MAPKAP1: variants seen among roughly 807,000 people sequenced by gnomAD.
The protein encoded by MAPKAP1 is MAPK associated protein 1.
MAPKAP1 carries 20 observed loss-of-function variants against 65.7 expected under a neutral mutation model. The ratio of observed to expected loss-of-function variants is 0.30; its 90% CI spans 0.21 to 0.44. The LOEUF is 0.44. MAPKAP1 is among the 20% of genes least tolerant of loss of function. The pLI is 1.00. For missense variants in MAPKAP1, 423 were observed against 648.0 expected, an observed-to-expected ratio of 0.65 and a Z score of 3.77; for synonymous variants, 222 against 244.3, an observed-to-expected ratio of 0.91 and a Z score of 0.85.
In MAPKAP1 at chr9:125,657,667, G is replaced by A; in HGVS notation, c.482C>T (p.Ser161Phe). 1 of 1,605,756 alleles carries A rather than the reference G, an allele frequency of 6.2e-7. No individual in the cohort carries two copies. The highest frequency in any genetic ancestry group is 8.5e-7 in the Non-Finnish European group (1 of 1,177,142). The change falls in exon 4 of 12, where the codon TCC (serine) becomes TTC (phenylalanine). Residue 161 changes from serine to phenylalanine, a missense_variant. Physicochemically the swap from Ser to Phe is radical, Grantham distance 155. Transcript: ENST00000265960. ...LQLNNPFNEY[S>F]KFDGKGHVGT... is the part of the protein sequence containing the mutation. ...TTTACTTACCTTGCCATCAAATTTG[G>A]AATACTCGTTAAAAGGGTTATTCAG...
chr9:125,595,710 ATC>A lies in MAPKAP1; in HGVS notation c.499-9985_499-9984del, dbSNP rs1832103605. Reference sequence around the variant, plus strand: ...CCTAAAGAGCCGGAACAGCTAAGGAATCTCTTCATTGGAGGGTTGAGCTTTGA... The same window carrying A: ...CCTAAAGAGCCGGAACAGCTAAGGAATCTTCATTGGAGGGTTGAGCTTTGA... On this transcript the variant is annotated intron_variant, in intron 4 of 11. Transcript: ENST00000265960. The surrounding 1 kb of genome is among the most constrained non-coding windows in gnomAD (Gnocchi z 4.0). 6.4e-7 allele frequency: 1 copy of A among 1,556,434 alleles called. No homozygotes were observed.
intron 1 of MAPKAP1, among the ~76,000 whole-genome samples, chr9:125,675,168 G>A (rs1405505911): frequency 6.6e-6 from 1 of 152,296 alleles, no homozygotes; most frequent in Admixed American, 6.5e-5. Flanking sequence ...AAGGAAGGCA[G>A]CTAGTCACCA....
At chr9:125,515,355 A>G (rs1164293109) in intron 7 of MAPKAP1, among the ~76,000 whole-genome samples, 1 of 152,202 alleles carries the variant, frequency 6.6e-6, no homozygotes, top group East Asian at 1.9e-4. Context: ...AACACTAGAA[A>G]AAGGCCCATT....
rs534639837 is a variant in MAPKAP1 at position 125,682,176 on chromosome 9, A to G, written c.-69-9533T>C. On this transcript the variant is annotated intron_variant, in intron 1 of 11. Coordinates refer to ENST00000265960, the MANE Select transcript of MAPKAP1 (RefSeq NM_001006617.3). ...TGTAGCTTCCACTACACCCTGGCACATCCTAGGACTCTCTTAACCTCAGTT... is the reference window on the plus strand; with the variant it reads ...TGTAGCTTCCACTACACCCTGGCACGTCCTAGGACTCTCTTAACCTCAGTT... Among the ~76,000 whole-genome samples the G allele has an allele frequency of 3.9e-5, 6 of 152,360 alleles. No homozygotes were observed. The South Asian group carries it at 1.2e-3, about 32-fold the overall frequency.
intron 4 of MAPKAP1, among the ~76,000 whole-genome samples, chr9:125,625,593 G>T (rs1410744730): frequency 6.6e-6 from 1 of 152,102 alleles, no homozygotes; most frequent in Non-Finnish European, 1.5e-5. Flanking sequence ...TCAGGATTTC[G>T]AGACTAGCCT....
At chr9:125,621,580 A>C (rs1832901239) in intron 4 of MAPKAP1, among the ~76,000 whole-genome samples, 1 of 152,246 alleles carries the variant, frequency 6.6e-6, no homozygotes, top group Admixed American at 6.5e-5. Context: ...GCTCTTTTCA[A>C]GGATGTTTCA....
At chr9:125,625,258 A>ATC (rs371821798) in intron 4 of MAPKAP1, among the ~76,000 whole-genome samples, 1 of 110,744 alleles carries the variant, frequency 9.0e-6, no homozygotes, top group Non-Finnish European at 1.8e-5. Context: ...AAATAAATAA[A>ATC]AAAAAAAAAA....
rs1834523657 is a variant in MAPKAP1 at position 125,672,435 on chromosome 9, G to A, written c.140C>T (p.Pro47Leu). Residue 47 changes from proline (P) to leucine (L), a missense_variant, in exon 2 of 12, where the codon CCT becomes CTT. By Grantham distance (98) the Pro-to-Leu change is moderately conservative (BLOSUM62 -3). Coordinates refer to ENST00000265960, the MANE Select transcript of MAPKAP1 (RefSeq NM_001006617.3). ...CTGAATTTCTGACCCACTGTCTCCA[G>A]GCATTGAAGGAGGATGAATCTTCTC... is the stretch of plus-strand genomic sequence containing the variant. ...DLEKIHPPSM[P>L]GDSGSEIQGS... 2.5e-6 allele frequency: 4 copies of A among 1,614,004 alleles called. No homozygotes were observed. Among genetic ancestry groups the A allele is most frequent in the Non-Finnish European group, 3.4e-6 (4 of 1,180,032 alleles).
chr9:125,705,108 A>C lies in MAPKAP1; in HGVS notation c.-70+1863T>G, dbSNP rs1020254468. ...TGGAAGAGCACAGTCTTTACATTTA[A>C]AAGATTTCTGTACCATTCATTTTAA... is the stretch of plus-strand genomic sequence containing the variant. On this transcript the variant is annotated intron_variant, in intron 1 of 11. Transcript: ENST00000265960. 2.0e-5 allele frequency among the ~76,000 whole-genome samples: 3 copies of C among 152,316 alleles called. No homozygotes were observed. In the South Asian group the frequency reaches 6.2e-4, roughly 32 times the overall value.
chr9:125,454,833 T>G (rs1853107516), intron 10 of MAPKAP1, among the ~76,000 whole-genome samples: 1 of 152,068 alleles, frequency 6.6e-6, no homozygotes, highest in African/African-American at 2.4e-5. Context: ...GAAATTTGTT[T>G]AAAAAAAGAA....
intron 1 of MAPKAP1, among the ~76,000 whole-genome samples, chr9:125,693,758 T>G (rs1180113410): frequency 2.1e-5 from 3 of 146,298 alleles, no homozygotes; most frequent in Non-Finnish European, 3.0e-5. Flanking sequence ...TACACATATA[T>G]ACACGTATAT....
chr9:125,659,111 T>C (rs1425550646), intron 3 of MAPKAP1, among the ~76,000 whole-genome samples: 1 of 152,224 alleles, frequency 6.6e-6, no homozygotes, highest in Non-Finnish European at 1.5e-5. Flanking sequence ...ATTAAAGTAA[T>C]ATTTTAAATA....
chr9:125,587,811 T>G (rs1399164575), intron 4 of MAPKAP1, among the ~76,000 whole-genome samples: 1 of 152,192 alleles, frequency 6.6e-6, no homozygotes, highest in African/African-American at 2.4e-5. Flanking sequence ...ACATGAAAAC[T>G]GTTTCATATC....
At chr9:125,692,589 T>A (rs1835202820) in intron 1 of MAPKAP1, among the ~76,000 whole-genome samples, 1 of 152,218 alleles carries the variant, frequency 6.6e-6, no homozygotes, top group Non-Finnish European at 1.5e-5. Context: ...TATACAACTT[T>A]GTGAATATCC....
intron 4 of MAPKAP1, among the ~76,000 whole-genome samples, chr9:125,593,761 A>T (rs1832041958): frequency 6.6e-6 from 1 of 152,248 alleles, no homozygotes; most frequent in Non-Finnish European, 1.5e-5. Context: ...AAATGCCCCC[A>T]AGGCAGGTTT....
chr9:125,619,505 T>C (rs1564585839), intron 4 of MAPKAP1, among the ~76,000 whole-genome samples: 3 of 151,734 alleles, frequency 2.0e-5, no homozygotes, highest in Non-Finnish European at 2.9e-5. Flanking sequence ...TTTTATTCTG[T>C]ATATTATTGC....
intron 5 of MAPKAP1, among the ~76,000 whole-genome samples, chr9:125,585,062 G>A (rs1831739093): frequency 6.6e-6 from 1 of 152,136 alleles, no homozygotes; most frequent in Non-Finnish European, 1.5e-5. Context: ...GCATCAAACA[G>A]ACCTGGAATC....
intron 10 of MAPKAP1, among the ~76,000 whole-genome samples, chr9:125,458,613 C>A (rs1245190043): frequency 6.6e-6 from 1 of 151,636 alleles, no homozygotes; most frequent in Non-Finnish European, 1.5e-5. Context: ...CCCATGTCTA[C>A]TTCCTTCTAC....
At chr9:125,680,530 C>G (rs1374933495) in intron 1 of MAPKAP1, among the ~76,000 whole-genome samples, 1 of 152,168 alleles carries the variant, frequency 6.6e-6, no homozygotes, top group East Asian at 1.9e-4. Context: ...AAAATCTTCT[C>G]CATGTGAATA....
Sources: gnomAD v4.1 joint callset for allele counts (sites outside exome capture counted in the v4.1 genomes callset) on GRCh38, gnomAD v4.1.1 for gene constraint, Gnocchi (gnomAD v3.1) non-coding constraint, MANE v1.5 for transcripts, NCBI Gene and HGNC (gene_info 2026-07-23, HGNC 2026-07-21) for gene names.